The following DAAM1 variants were observed in gnomAD, a reference collection of about 807,000 sequenced individuals.
DAAM1 encodes dishevelled associated activator of morphogenesis 1.
Under a neutral mutation model 130.0 loss-of-function variants are expected in DAAM1, and 52 were observed. That is an observed-to-expected ratio of 0.40 (90% CI 0.32 to 0.50). The LOEUF (loss-of-function observed/expected upper bound fraction) is 0.50. DAAM1 is among the 20% of genes least tolerant of loss of function. The pLI is 0.61. For synonymous variants in DAAM1, 452 were observed against 444.5 expected (o/e 1.02, Z -0.21); for missense variants, 1,134 against 1,303.8 (o/e 0.87, Z 2.01).
chr14:59,286,224 C>A (rs1246158664), intron 2 of DAAM1, among the ~76,000 whole-genome samples: 2 of 151,794 alleles, frequency 1.3e-5, no homozygotes, highest in Non-Finnish European at 2.9e-5. Flanking sequence ...TTTTTTAAAT[C>A]CTTGAAATTA....
Position 59,353,869 on chromosome 14 carries a change from C to A in DAAM1, c.2268-7C>A. ...GAATATCAATTAGTACATGTTTGCT[C>A]TTACAGAATTAATCACTATCAGCAA... On this transcript the variant is annotated splice_region_variant and splice_polypyrimidine_tract_variant and intron_variant, in intron 18 of 24. Transcript: ENST00000360909. 1.2e-6 allele frequency: 2 copies of A among 1,613,386 alleles called. No individual in the cohort carries two copies. The highest frequency in any genetic ancestry group is 1.7e-6 in the Non-Finnish European group (2 of 1,179,558).
intron 2 of DAAM1, among the ~76,000 whole-genome samples, chr14:59,282,059 T>C (rs943309128): frequency 2.0e-5 from 3 of 152,196 alleles, no homozygotes; most frequent in African/African-American, 7.2e-5. Flanking sequence ...CAGTGCTTTC[T>C]ACCTCTTTAC....
chr14:59,282,547 C>A (rs1243589422), intron 2 of DAAM1, among the ~76,000 whole-genome samples: 2 of 152,122 alleles, frequency 1.3e-5, no homozygotes, highest in East Asian at 3.9e-4. Flanking sequence ...TAGATGGATG[C>A]ATTTTGATGT....
chr14:59,327,122 T>A, intron 12 of DAAM1, 131 bp downstream of exon 12: 1 of 953,346 alleles, frequency 1.0e-6, no homozygotes, highest in Non-Finnish European at 1.6e-6. Context: ...TTCCATCTTT[T>A]AAGGGCATTT....
rs889714860 is a variant in DAAM1, at chr14:59,250,874, CT to C, written c.-37-12564del. On this transcript the variant is annotated intron_variant, in intron 1 of 24. Transcript: ENST00000360909. ...GTGCTACATGTATATTGTTATAAACCTTTCTTTCTTCTCTGTCTTTTATTCT... is the reference window on the plus strand; with the variant it reads ...GTGCTACATGTATATTGTTATAAACCTTCTTTCTTCTCTGTCTTTTATTCT... Among the ~76,000 whole-genome samples, 12 of 146,062 alleles carry C rather than the reference CT, an allele frequency of 8.2e-5. 1 individual carries two copies. In the Middle Eastern group the frequency reaches 0.01, roughly 128 times the overall value.
rs570068350 is a variant in DAAM1 at position 59,235,171 on chromosome 14, G to A, written c.-37-28270G>A. Among the ~76,000 whole-genome samples, 8 of 152,256 alleles carry A rather than the reference G, an allele frequency of 5.3e-5. No individual in the cohort carries two copies. The South Asian group carries it at 8.3e-4, about 16-fold the overall frequency. ...TGTGGGCCTCATAGGATGAGTTAGGGAGGAGTCTCTCCTTTTGAGTTGTTT... is the reference window on the plus strand; with the variant it reads ...TGTGGGCCTCATAGGATGAGTTAGGAAGGAGTCTCTCCTTTTGAGTTGTTT... On this transcript the variant is annotated intron_variant, in intron 1 of 24. Transcript: ENST00000360909.
intron 1 of DAAM1, among the ~76,000 whole-genome samples, chr14:59,243,036 G>A (rs1347321395): frequency 6.6e-6 from 1 of 152,082 alleles, no homozygotes; most frequent in Non-Finnish European, 1.5e-5. Context: ...ATTTTTCTGA[G>A]GACACCGCAG....
Position 59,324,434 on chromosome 14 carries a change from C to G in DAAM1, c.969C>G (p.His323Gln), listed in dbSNP as rs371132871. 6.3e-7 allele frequency: 1 copy of G among 1,586,958 alleles called. No individual in the cohort carries two copies. Among genetic ancestry groups the G allele is most frequent in the East Asian group, 2.3e-5 (1 of 43,858 alleles). Residue 323 changes from histidine to glutamine, a missense_variant, in exon 8 of 25, where the codon CAC (histidine) becomes CAG (glutamine). Around this residue, in one of 3 missense-constraint regions of DAAM1, gnomAD observed 391 missense variants for 521.6 expected, o/e 0.75. Transcript: ENST00000360909. Reference sequence around the variant, plus strand: ...CTGTAATAGATAAATTAAGGGAACACGAAAATTCAACATTAGATAGGTAAG... The same window carrying G: ...CTGTAATAGATAAATTAAGGGAACAGGAAAATTCAACATTAGATAGGTAAG... ...IQPVIDKLREHENSTLDRHLD... is the reference protein window; with the variant it reads ...IQPVIDKLREQENSTLDRHLD...
At chr14:59,295,122 T>A (rs1883905796) in intron 3 of DAAM1, among the ~76,000 whole-genome samples, 1 of 152,186 alleles carries the variant, frequency 6.6e-6, no homozygotes, top group South Asian at 2.1e-4. Context: ...CAGCAGATAT[T>A]TGAGGCAAAG....
intron 1 of DAAM1, among the ~76,000 whole-genome samples, chr14:59,251,294 G>A (rs1014391520): frequency 2.6e-5 from 4 of 152,140 alleles, no homozygotes; most frequent in Non-Finnish European, 4.4e-5. Context: ...GTGGATCAAA[G>A]GGCCCGTGCA....
chr14:59,214,375 T>G (rs1040102636), intron 1 of DAAM1, among the ~76,000 whole-genome samples: 1 of 152,268 alleles, frequency 6.6e-6, no homozygotes, highest in Non-Finnish European at 1.5e-5. Context: ...CCTGACGTGC[T>G]TCTTTCTTCC....
intron 1 of DAAM1, among the ~76,000 whole-genome samples, chr14:59,217,035 T>C (rs1888603775): frequency 6.6e-6 from 1 of 152,192 alleles, no homozygotes; most frequent in African/African-American, 2.4e-5. Flanking sequence ...AACAGATATT[T>C]GATCCACGTT....
intron 15 of DAAM1, 104 bp from the exon 16 acceptor site, chr14:59,339,970 G>C: frequency 1.1e-6 from 1 of 909,328 alleles, no homozygotes; most frequent in Non-Finnish European, 1.7e-6. Context: ...ATGTGTATAC[G>C]AGTGTGTGTA....
chr14:59,292,406 C>A (rs1280756102), intron 3 of DAAM1, among the ~76,000 whole-genome samples: 1 of 152,184 alleles, frequency 6.6e-6, no homozygotes, highest in African/African-American at 2.4e-5. Context: ...CCTTTGCTAT[C>A]TTGTGTAATT....
At chr14:59,301,223 T>C (rs1884158409) in intron 3 of DAAM1, among the ~76,000 whole-genome samples, 1 of 152,076 alleles carries the variant, frequency 6.6e-6, no homozygotes, top group African/African-American at 2.4e-5. Flanking sequence ...AAAATTACTG[T>C]AATATAAAGT....
In DAAM1 at chr14:59,370,272, G is replaced by C. The variant is rs1445797313; in HGVS notation, c.*1413G>C. 1 of 148,228 alleles carries C rather than the reference G, an allele frequency of 6.7e-6. No individual in the cohort carries two copies. The highest frequency in any genetic ancestry group is 1.5e-5 in the Non-Finnish European group (1 of 67,478). 9.2% of individuals were successfully genotyped at this position (148,228 alleles called of 1,614,324 possible). On this transcript the variant is annotated 3_prime_UTR_variant, in exon 25 of 25. Coordinates refer to ENST00000360909, the MANE Select transcript of DAAM1 (RefSeq NM_001270520.2). ...TCCTGTGGAGAGAGTAGTTTGTCCTGTTGCACTAGAACATTATTTACTCAC... is the reference window on the plus strand; with the variant it reads ...TCCTGTGGAGAGAGTAGTTTGTCCTCTTGCACTAGAACATTATTTACTCAC...
At chr14:59,343,309 A>G (rs1472159052) in intron 16 of DAAM1, among the ~76,000 whole-genome samples, 2 of 152,240 alleles carry the variant, frequency 1.3e-5, no homozygotes, top group African/African-American at 4.8e-5. Flanking sequence ...CAGCCATCAG[A>G]TAAGGGCCTC....
intron 1 of DAAM1, among the ~76,000 whole-genome samples, chr14:59,232,806 A>T (rs1889153148): frequency 6.6e-6 from 1 of 151,348 alleles, no homozygotes; most frequent in African/African-American, 2.4e-5. Flanking sequence ...CCCTCACCCC[A>T]CAACAGCCCC....
intron 1 of DAAM1, among the ~76,000 whole-genome samples, chr14:59,254,124 GA>G (rs1195842457): frequency 6.6e-6 from 1 of 152,182 alleles, no homozygotes; most frequent in Non-Finnish European, 1.5e-5. Context: ...GTGGTAGGGG[GA>G]CATTTTCAGA....
Sources: gnomAD v4.1 joint callset for allele counts (sites outside exome capture counted in the v4.1 genomes callset) on GRCh38, gnomAD v4.1.1 for gene constraint, gnomAD v4.1.1 regional missense constraint, MANE v1.5 for transcripts, NCBI Gene and HGNC (gene_info 2026-07-23, HGNC 2026-07-21) for gene names.